The following PRKG1 variants were observed in gnomAD, a reference collection of about 807,000 sequenced individuals.
The protein encoded by PRKG1 is cGMP-dependent protein kinase 1.
In PRKG1, 35 loss-of-function variants were observed where a neutral mutation model predicts 88.1. The observed-to-expected ratio is 0.40, with a 90% confidence interval of 0.30 to 0.53. The LOEUF is 0.53. Among genes scored for constraint, PRKG1 ranks in the 20% least tolerant of loss-of-function variants. The pLI, the probability that PRKG1 is intolerant of heterozygous loss-of-function variation, is 0.59. For missense variants in PRKG1, 540 were observed against 839.8 expected, an observed-to-expected ratio of 0.64 and a Z score of 4.41; for synonymous variants, 303 against 292.5, an observed-to-expected ratio of 1.04 and a Z score of -0.37.
intron 3 of PRKG1, among the ~76,000 whole-genome samples, chr10:51,701,217 C>T (rs898849540): frequency 2.0e-5 from 3 of 152,132 alleles, no homozygotes; most frequent in African/African-American, 7.2e-5. Flanking sequence ...CTGCTCCAAG[C>T]CTGTGCTTTA....
chr10:51,297,459 A>G (rs1453132816), intron 2 of PRKG1, among the ~76,000 whole-genome samples: 1 of 152,028 alleles, frequency 6.6e-6, no homozygotes, highest in Admixed American at 6.6e-5. Flanking sequence ...GAATTCTTGG[A>G]TTTTCATATT....
At chr10:51,699,658 C>G in intron 3 of PRKG1, 1 of 1,281,894 alleles carries the variant, frequency 7.8e-7, no homozygotes, top group Non-Finnish European at 1.1e-6. Flanking sequence ...CGGGCAGAAA[C>G]TTTACTAATT....
Position 51,131,095 on chromosome 10 carries a change from T to C in PRKG1, c.312-22069T>C, listed in dbSNP as rs149763485. ...GCATTTATTTCTTTTTAGTAACAAT[T>C]AATGTTCCTGGTAGATTTTCCCATC... On this transcript the variant is annotated intron_variant, in intron 1 of 17. Coordinates refer to ENST00000373980, the MANE Select transcript of PRKG1 (RefSeq NM_006258.4). Among the ~76,000 whole-genome samples, 324 of 152,306 alleles carry C rather than the reference T, an allele frequency of 2.1e-3. 1 individual carries two copies. Among genetic ancestry groups the C allele is most frequent in the African/African-American group, 7.3e-3 (304 of 41,572 alleles).
intron 3 of PRKG1, among the ~76,000 whole-genome samples, chr10:51,779,412 A>G (rs757697691): frequency 1.3e-5 from 2 of 152,132 alleles, no homozygotes; most frequent in African/African-American, 4.8e-5. Context: ...CCAAATCCCA[A>G]TGTAAAGTCT....
chr10:51,156,363 G>A (rs942371564), intron 2 of PRKG1, among the ~76,000 whole-genome samples: 2 of 140,502 alleles, frequency 1.4e-5, no homozygotes, highest in Non-Finnish European at 3.1e-5. Context: ...CTCATGATAG[G>A]TGATATTTCT....
At chr10:51,828,103 C>G (rs1211106296) in intron 4 of PRKG1, among the ~76,000 whole-genome samples, 2 of 152,006 alleles carry the variant, frequency 1.3e-5, no homozygotes, top group African/African-American at 4.8e-5. Flanking sequence ...TGTTTAACAT[C>G]TATATATATT....
chr10:51,811,287 C>T (rs1169145342), intron 4 of PRKG1, among the ~76,000 whole-genome samples: 1 of 152,058 alleles, frequency 6.6e-6, no homozygotes. Flanking sequence ...AAACTTTTGT[C>T]TATATTCTAA....
intron 4 of PRKG1, among the ~76,000 whole-genome samples, chr10:51,868,892 T>A (rs781526397): frequency 1.3e-5 from 2 of 152,196 alleles, no homozygotes; most frequent in Non-Finnish European, 2.9e-5. Flanking sequence ...TGAGTGCATA[T>A]AAAGAGGGAT....
intron 4 of PRKG1, among the ~76,000 whole-genome samples, chr10:51,869,869 A>T (rs911183185): frequency 6.6e-6 from 1 of 152,198 alleles, no homozygotes; most frequent in Admixed American, 6.5e-5. Flanking sequence ...TGTGAATTAT[A>T]ATGTTAAGTA....
intron 5 of PRKG1, among the ~76,000 whole-genome samples, chr10:52,008,219 T>C (rs192171717): frequency 2.0e-5 from 3 of 152,118 alleles, no homozygotes; most frequent in African/African-American, 7.2e-5. Context: ...GCAGAAGAAC[T>C]GGAGAAGCAA....
chr10:51,618,398 G>A (rs1447463266), intron 3 of PRKG1, among the ~76,000 whole-genome samples: 3 of 152,184 alleles, frequency 2.0e-5, no homozygotes, highest in African/African-American at 7.2e-5. Context: ...GTAGAACACA[G>A]GGAGGGAGAG....
At chr10:51,221,144 T>C (rs1383987382) in intron 2 of PRKG1, among the ~76,000 whole-genome samples, 1 of 151,992 alleles carries the variant, frequency 6.6e-6, no homozygotes, top group Non-Finnish European at 1.5e-5. Context: ...TCACCAAATA[T>C]AGTTTTCTTT....
intron 4 of PRKG1, among the ~76,000 whole-genome samples, chr10:51,847,231 T>G (rs995898781): frequency 1.3e-5 from 2 of 152,222 alleles, no homozygotes; most frequent in African/African-American, 4.8e-5. Context: ...AGAAATACTT[T>G]GTTACAATTT....
chr10:51,401,075 C>T lies in PRKG1; in HGVS notation c.479-66648C>T, dbSNP rs58639483. On this transcript the variant is annotated intron_variant, in intron 2 of 17. Coordinates refer to ENST00000373980, the MANE Select transcript of PRKG1 (RefSeq NM_006258.4). ...AGTATAACACAAGCTATGTATGTAA[C>T]GTTAAATTTTCTATTACCTACACTA... 6.9e-4 allele frequency among the ~76,000 whole-genome samples: 105 copies of T among 152,222 alleles called. 2 individuals are homozygous for T. The East Asian group carries it at 0.014, about 20-fold the overall frequency.
At chr10:52,241,433 A>G (rs758561607) in intron 9 of PRKG1, among the ~76,000 whole-genome samples, 5 of 152,166 alleles carry the variant, frequency 3.3e-5, no homozygotes, top group Non-Finnish European at 5.9e-5. Context: ...AAAAGGGGAT[A>G]TCTTGCACAA....
intron 4 of PRKG1, among the ~76,000 whole-genome samples, chr10:51,808,740 A>G (rs1302686731): frequency 6.6e-6 from 1 of 152,234 alleles, no homozygotes; most frequent in African/African-American, 2.4e-5. Context: ...TAAAACTTGC[A>G]TCTACATTTT....
At chr10:51,816,536 C>CGTGTGTGTGTGTGTGTGT (rs769022267) in intron 4 of PRKG1, among the ~76,000 whole-genome samples, 13 of 98,378 alleles carry the variant, frequency 1.3e-4, no homozygotes, top group African/African-American at 3.9e-4. Flanking sequence ...ATAATTTTGG[C>CGTGTGTGTGTGTGTGTGT]ATGTGTGTGT....
chr10:51,763,075 GGAA>G (rs1225015360), intron 3 of PRKG1, among the ~76,000 whole-genome samples: 1 of 152,044 alleles, frequency 6.6e-6, no homozygotes, highest in Non-Finnish European at 1.5e-5. Flanking sequence ...TCTTTATTTA[GGAA>G]GAAGGTTATA....
At chr10:52,227,229 G>C (rs1004091585) in intron 9 of PRKG1, among the ~76,000 whole-genome samples, 1 of 152,096 alleles carries the variant, frequency 6.6e-6, no homozygotes, top group Non-Finnish European at 1.5e-5. Flanking sequence ...TTGCTTACCT[G>C]ACTAACAGTG....
Sources: allele counts gnomAD v4.1 joint callset (sites outside exome capture counted in the v4.1 genomes callset), GRCh38; gene constraint gnomAD v4.1.1; transcripts MANE v1.5; gene names NCBI Gene and HGNC (gene_info 2026-07-23, HGNC 2026-07-21).